Variants in EFCAB5 observed in about 807,000 individuals in gnomAD.
The protein encoded by EFCAB5 is EF-hand calcium binding domain 5, also known as EF-hand calcium-binding domain-containing protein 5.
A neutral mutation model predicts 167.9 loss-of-function variants in EFCAB5; 131 were observed. The observed-to-expected ratio is 0.78, with a 90% CI of 0.68 to 0.90. The LOEUF is 0.90. EFCAB5 is among the 40% of genes least tolerant of loss of function. The pLI is 0.00. For synonymous variants in EFCAB5, 574 were observed against 602.8 expected, an observed-to-expected ratio of 0.95 and a Z score of 0.70; for missense variants, 1,663 against 1,745.2, an observed-to-expected ratio of 0.95 and a Z score of 0.84.
intron 7 of EFCAB5, among the ~76,000 whole-genome samples, chr17:30,024,759 C>T (rs1293343880): frequency 1.3e-4 from 20 of 152,120 alleles, no homozygotes; most frequent in Admixed American, 1.2e-3. Context: ...AAGCTGGAGG[C>T]ATCATGCTAC....
At chr17:29,999,599 A>G (rs776008030) in intron 6 of EFCAB5, among the ~76,000 whole-genome samples, 10 of 152,158 alleles carry the variant, frequency 6.6e-5, no homozygotes, top group Non-Finnish European at 5.9e-5. Flanking sequence ...GCTAGCATAA[A>G]CCAACACAGA....
At chr17:30,069,527 G>A (rs768716683) in intron 14 of EFCAB5, 14 of 1,610,710 alleles carry the variant, frequency 8.7e-6, no homozygotes, top group Non-Finnish European at 1.2e-5. Context: ...AGGCAACGAA[G>A]ACATAAGAGA....
At chr17:30,036,205 A>ATATGTATATTATATATGCATATATAATG (rs2069614615) in intron 8 of EFCAB5, among the ~76,000 whole-genome samples, 1 of 142,336 alleles carries the variant, frequency 7.0e-6, no homozygotes, top group Non-Finnish European at 1.5e-5. Flanking sequence ...CTTATAATAT[A>ATATGTATATTATATATGCATATATAATG]TATGTATATT....
chr17:29,972,696 C>A, intron 4 of EFCAB5: 1 of 199,772 alleles, frequency 5.0e-6, no homozygotes, highest in South Asian at 1.0e-4. Flanking sequence ...GGAGGCAGGG[C>A]TTCAAGCTGG....
In EFCAB5 at chr17:30,053,665, G is replaced by C. The variant is rs1259294533; in HGVS notation, c.1711G>C (p.Glu571Gln). 1 of 1,613,968 alleles carries C rather than the reference G, an allele frequency of 6.2e-7. No homozygotes were observed. Among genetic ancestry groups the C allele is most frequent in the Non-Finnish European group, 8.5e-7 (1 of 1,179,864 alleles). Residue 571 changes from glutamate (E) to glutamine (Q), a missense_variant, in exon 10 of 23, where the codon GAG (glutamate) becomes CAG (glutamine). Glu to Gln is a conservative substitution (Grantham distance 29). Coordinates refer to ENST00000394835, the MANE Select transcript of EFCAB5 (RefSeq NM_198529.4). ...ACTGACAGAACAAGAAACACACAGAGAGTCAACTACAGAACAAGGACAGCA... is the reference window on the plus strand; with the variant it reads ...ACTGACAGAACAAGAAACACACAGACAGTCAACTACAGAACAAGGACAGCA... ...RLLTEQETHR[E>Q]STTEQGQHKG...
At chr17:30,085,341 T>C (rs866149848) in intron 18 of EFCAB5, among the ~76,000 whole-genome samples, 16 of 152,220 alleles carry the variant, frequency 1.1e-4, no homozygotes, top group Admixed American at 3.9e-4. Context: ...TCTGTCTATT[T>C]CTTTGGAGTA....
intron 13 of EFCAB5, 29 bp downstream of exon 13, chr17:30,057,919 A>T: frequency 1.9e-6 from 3 of 1,583,070 alleles, no homozygotes; most frequent in South Asian, 2.3e-5. Context: ...TAATGATACA[A>T]GTGAGGTCAC....
upstream of EFCAB5, among the ~76,000 whole-genome samples, chr17:29,940,833 A>C (rs539416287): frequency 6.6e-6 from 1 of 152,232 alleles, no homozygotes; most frequent in East Asian, 1.9e-4. Context: ...TGAGGTCAGG[A>C]GTTCAAGACC....
At chr17:30,055,996 A>G (rs752951141) in intron 11 of EFCAB5, 31 bp downstream of exon 11, 9 of 1,613,414 alleles carry the variant, frequency 5.6e-6, no homozygotes, top group Non-Finnish European at 7.6e-6. Context: ...CCTTTCATTT[A>G]TACCCTAGAA....
At chr17:30,076,001 C>T (rs189173728) in intron 14 of EFCAB5, among the ~76,000 whole-genome samples, 217 of 152,280 alleles carry the variant, frequency 1.4e-3, no homozygotes, top group Middle Eastern at 3.4e-3. Flanking sequence ...GAGAACACAA[C>T]CCAAAGTGGT....
At position 29,945,367 on chromosome 17, in the gene EFCAB5, A is replaced by G. The variant is rs558503051; in HGVS notation, c.190+1718A>G. On this transcript the variant is annotated intron_variant, in intron 3 of 22. Coordinates refer to ENST00000394835, the MANE Select transcript of EFCAB5 (RefSeq NM_198529.4). ...TCTCTTTTTAAACCAACTAAGAGTA[A>G]TTATTTACTATTTCTTCCTAGTAAT... Among the ~76,000 whole-genome samples, 46 of 151,868 alleles carry G rather than the reference A, an allele frequency of 3.0e-4. No individual in the cohort carries two copies. The South Asian group carries it at 9.1e-3, about 30-fold the overall frequency.
At chr17:30,018,053 G>T (rs1163418929) in intron 7 of EFCAB5, among the ~76,000 whole-genome samples, 1 of 152,038 alleles carries the variant, frequency 6.6e-6, no homozygotes, top group Non-Finnish European at 1.5e-5. Flanking sequence ...GAGAATGTCT[G>T]CCTACACAGT....
intron 4 of EFCAB5, among the ~76,000 whole-genome samples, chr17:29,973,578 A>G (rs961248623): frequency 1.3e-5 from 2 of 148,422 alleles, no homozygotes; most frequent in African/African-American, 5.0e-5. Context: ...CTCTGGGTTC[A>G]AGAAATTCTC....
intron 14 of EFCAB5, among the ~76,000 whole-genome samples, chr17:30,071,245 C>G (rs953162949): frequency 1.5e-5 from 2 of 136,438 alleles, no homozygotes; most frequent in Non-Finnish European, 3.1e-5. Context: ...ATTCATCTGA[C>G]AAGGGATTAA....
Position 30,080,196 on chromosome 17 carries a change from A to C in EFCAB5, c.3152A>C (p.Gln1051Pro). 6.2e-7 allele frequency: 1 copy of C among 1,613,440 alleles called. No homozygotes were observed. The highest frequency in any genetic ancestry group is 8.5e-7 in the Non-Finnish European group (1 of 1,179,672). ...RNVACTLDDA[Q>P]FVLNRVLYRD... ...GTGGCTTGTACCTTAGATGATGCTC[A>C]ATTTGTACTGAACAGAGTGCTCTAC... Residue 1051 changes from glutamine (Q) to proline (P), a missense_variant, in exon 16 of 23, where the codon CAA becomes CCA. Physicochemically the swap from Gln to Pro is moderately conservative, Grantham distance 76. Transcript: ENST00000394835.
chr17:29,946,148 A>G (rs1216913401), intron 3 of EFCAB5, among the ~76,000 whole-genome samples: 2 of 152,162 alleles, frequency 1.3e-5, no homozygotes, highest in Non-Finnish European at 2.9e-5. Flanking sequence ...AAAAATAATT[A>G]TCCCATCAAA....
chr17:29,963,071 AG>A (rs921846919), intron 3 of EFCAB5, among the ~76,000 whole-genome samples: 41 of 152,104 alleles, frequency 2.7e-4, no homozygotes, highest in African/African-American at 9.7e-4. Context: ...CCCCCCAAGT[AG>A]CTGGGACTAT....
intron 4 of EFCAB5, among the ~76,000 whole-genome samples, chr17:29,982,242 G>T (rs989142646): frequency 6.6e-6 from 1 of 152,142 alleles, no homozygotes; most frequent in Non-Finnish European, 1.5e-5. Flanking sequence ...CGCCATCCTG[G>T]CTAACATAGT....
chr17:29,937,137 C>A (rs2067251827), upstream of EFCAB5, among the ~76,000 whole-genome samples: 1 of 152,172 alleles, frequency 6.6e-6, no homozygotes, highest in South Asian at 2.1e-4. Flanking sequence ...ACCTTCTTCA[C>A]AGGCCAAACA....
Sources: gnomAD v4.1 joint callset for allele counts (sites outside exome capture counted in the v4.1 genomes callset) on GRCh38, gnomAD v4.1.1 for gene constraint, MANE v1.5 for transcripts, NCBI Gene and HGNC (gene_info 2026-07-23, HGNC 2026-07-21) for gene names.